Variants in ADPGK observed in about 807,000 individuals in gnomAD.
The protein encoded by ADPGK is ADP-dependent glucokinase.
Under a neutral mutation model 42.4 loss-of-function variants are expected in ADPGK, and 26 were observed. That is an observed-to-expected ratio of 0.61 (90% CI 0.45 to 0.85). The LOEUF (loss-of-function observed/expected upper bound fraction) is 0.85, where lower values mean the gene tolerates loss of function less well. ADPGK is among the 40% of genes least tolerant of loss of function. ADPGK has a pLI of 0.00. For synonymous variants in ADPGK, 267 were observed against 252.6 expected, an observed-to-expected ratio of 1.06 and a Z score of -0.54; for missense variants, 571 against 627.0, an observed-to-expected ratio of 0.91 and a Z score of 0.95.
At chr15:72,766,715 T>G (rs1212054046) in intron 3 of ADPGK, among the ~76,000 whole-genome samples, 1 of 152,190 alleles carries the variant, frequency 6.6e-6, no homozygotes, top group Non-Finnish European at 1.5e-5. Flanking sequence ...ATCTCTGAGG[T>G]ATGCCTGTTA....
chr15:72,756,847 C>A (rs181748100), intron 4 of ADPGK: 114 of 177,322 alleles, frequency 6.4e-4, no homozygotes, highest in African/African-American at 2.6e-3. Context: ...AAAGCACATT[C>A]TTCCTCACAG....
rs528831427 is a variant in ADPGK, at chr15:72,756,235, G to T, written c.840+16C>A. On this transcript the variant is annotated intron_variant, in intron 5 of 6. Coordinates refer to ENST00000456471, the MANE Select transcript of ADPGK (RefSeq NM_001365225.1). Reference sequence around the variant, plus strand: ...CACCAGCTGAGATCTGTGAAATTCTGTAACAGTGCCATTACCTCCAAGAGT... The same window carrying T: ...CACCAGCTGAGATCTGTGAAATTCTTTAACAGTGCCATTACCTCCAAGAGT... The T allele has an allele frequency of 1.5e-5, 25 of 1,613,436 alleles. No individual in the cohort carries two copies. The African/African-American group carries it at 1.7e-4, about 11-fold the overall frequency.
intron 4 of ADPGK, chr15:72,758,393 T>A (rs1351246104): frequency 1.8e-6 from 1 of 545,616 alleles, no homozygotes; most frequent in African/African-American, 1.9e-5. Flanking sequence ...AGCCTGACAA[T>A]GGGCTTCTCT....
chr15:72,757,048 G>A (rs1360682384), intron 4 of ADPGK: 2 of 153,346 alleles, frequency 1.3e-5, no homozygotes, highest in Non-Finnish European at 2.9e-5. Flanking sequence ...ACTGTTTAAA[G>A]ACCCAAGTTC....
chr15:72,783,429 C>A (rs1343588701), intron 1 of ADPGK, 30 bp downstream of exon 1: 2 of 1,332,348 alleles, frequency 1.5e-6, no homozygotes, highest in East Asian at 6.2e-5. Flanking sequence ...ACCTCGGAGG[C>A]TCAGAGACCC....
At chr15:72,777,974 C>T (rs1000651131) in intron 1 of ADPGK, among the ~76,000 whole-genome samples, 2 of 151,988 alleles carry the variant, frequency 1.3e-5, no homozygotes, top group Non-Finnish European at 2.9e-5. Context: ...CCAGGCTGAG[C>T]ACGGTGGCTC....
chr15:72,775,063 C>T lies in ADPGK; in HGVS notation c.268G>A (p.Val90Met), dbSNP rs754448735. ...NACVDVVLSG[V>M]KLLQALGLSP... ...AGGCCAAGTGCCTGCAAGAGCTTCA[C>T]CCCTGAGAGCACCACATCAACACAT... Residue 90 changes from valine (V) to methionine (M), a missense_variant, in exon 2 of 7, where the codon GTG becomes ATG. Transcript: ENST00000456471. 63 of 1,614,038 alleles carry T rather than the reference C, an allele frequency of 3.9e-5. No homozygotes were observed. The highest frequency in any genetic ancestry group is 5.1e-5 in the Non-Finnish European group (60 of 1,180,038).
chr15:72,780,773 T>C (rs2066448139), intron 1 of ADPGK, among the ~76,000 whole-genome samples: 1 of 152,214 alleles, frequency 6.6e-6, no homozygotes, highest in Non-Finnish European at 1.5e-5. Context: ...AGTGAGATGC[T>C]GTCTCAAACA....
rs1166879192 is a variant in ADPGK, at chr15:72,756,358, C to T, written c.733G>A (p.Val245Met). The T allele has an allele frequency of 4.3e-6, 7 of 1,614,122 alleles. No homozygotes were observed. The highest frequency in any genetic ancestry group is 5.9e-6 in the Non-Finnish European group (7 of 1,180,056). The change falls in exon 5 of 7, where the codon GTG (valine) becomes ATG (methionine). Residue 245 changes from valine to methionine, a missense_variant. Physicochemically the swap from Val to Met is conservative, Grantham distance 21. Transcript: ENST00000456471. Reference sequence around the variant, plus strand: ...AACTCCTCCAGGCTAGACACAAACACCTCCAGCATATTCATGGCCCCGTTG... The same window carrying T: ...AACTCCTCCAGGCTAGACACAAACATCTCCAGCATATTCATGGCCCCGTTG... ...LSNGAMNMLE[V>M]FVSSLEEFQP...
chr15:72,772,477 A>T (rs1393017561), intron 2 of ADPGK, among the ~76,000 whole-genome samples: 1 of 152,090 alleles, frequency 6.6e-6, no homozygotes, highest in African/African-American at 2.4e-5. Flanking sequence ...CTCTTCTGTA[A>T]TGCCTTCTCT....
intron 5 of ADPGK, chr15:72,755,982 C>T: frequency 1.5e-6 from 1 of 667,468 alleles, no homozygotes; most frequent in Non-Finnish European, 2.8e-6. Context: ...AACTACAAAC[C>T]CTGCAGCTTG....
chr15:72,758,951 T>C (rs1466052041), intron 4 of ADPGK, among the ~76,000 whole-genome samples: 2 of 152,212 alleles, frequency 1.3e-5, no homozygotes, highest in East Asian at 3.8e-4. Context: ...ATTATTATTA[T>C]TTTTTGAGAC....
intron 6 of ADPGK, among the ~76,000 whole-genome samples, chr15:72,753,215 A>G (rs2066070303): frequency 6.6e-6 from 1 of 152,212 alleles, no homozygotes; most frequent in Non-Finnish European, 1.5e-5. Flanking sequence ...CACTGCACAC[A>G]TAGGAGATAC....
chr15:72,755,820 G>T, intron 5 of ADPGK, 166 bp from the exon 6 acceptor site: 2 of 651,256 alleles, frequency 3.1e-6, no homozygotes, highest in Middle Eastern at 2.5e-4. Context: ...GTGGACAAGG[G>T]ACACTCTTCC....
chr15:72,756,659 CAT>C, intron 4 of ADPGK: 2 of 592,396 alleles, frequency 3.4e-6, no homozygotes, highest in East Asian at 2.8e-5. Context: ...GAAACAGAAA[CAT>C]AGTATGGGTG....
intron 3 of ADPGK, among the ~76,000 whole-genome samples, chr15:72,761,115 T>G (rs1364257635): frequency 6.6e-6 from 1 of 152,150 alleles, no homozygotes; most frequent in Non-Finnish European, 1.5e-5. Flanking sequence ...GCTGGAACCT[T>G]GTTCTGGGGC....
chr15:72,775,067 T>G lies in ADPGK; in HGVS notation c.264A>C (p.Ser88=). ...CAAGTGCCTGCAAGAGCTTCACCCC[T>G]GAGAGCACCACATCAACACATGCAT... is the stretch of plus-strand genomic sequence containing the variant. ...GVNACVDVVL[S]GVKLLQALGL... is the part of the protein sequence containing the mutation. The change falls in exon 2 of 7, where the codon TCA becomes TCC. Residue 88 remains serine, a synonymous_variant. Transcript: ENST00000456471. The G allele has an allele frequency of 3.7e-6, 6 of 1,614,084 alleles. No individual in the cohort carries two copies. Among genetic ancestry groups the G allele is most frequent in the Non-Finnish European group, 5.1e-6 (6 of 1,180,006 alleles).
intron 2 of ADPGK, among the ~76,000 whole-genome samples, chr15:72,773,437 G>T (rs151239536): frequency 1.6e-3 from 251 of 152,312 alleles, no homozygotes; most frequent in African/African-American, 5.6e-3. Context: ...TGGGAAAATA[G>T]TAAGATATCT....
At chr15:72,779,377 A>C (rs1595806826) in intron 1 of ADPGK, among the ~76,000 whole-genome samples, 2 of 151,176 alleles carry the variant, frequency 1.3e-5, no homozygotes, top group Admixed American at 1.3e-4. Flanking sequence ...GCCTCCTGAG[A>C]AGCTGGGATT....
Sources: allele counts gnomAD v4.1 joint callset (sites outside exome capture counted in the v4.1 genomes callset), GRCh38; gene constraint gnomAD v4.1.1; transcripts MANE v1.5; gene names NCBI Gene and HGNC (gene_info 2026-07-23, HGNC 2026-07-21).